Variants in RXRA observed in about 807,000 individuals in gnomAD.
The protein encoded by RXRA is retinoic acid receptor RXR-alpha.
RXRA carries 5 observed loss-of-function variants against 44.5 expected under a neutral mutation model. The ratio of observed to expected loss-of-function variants is 0.11; its 90% CI spans 0.06 to 0.24. The LOEUF (loss-of-function observed/expected upper bound fraction) is 0.24. RXRA is among the 10% of genes least tolerant of loss of function. The pLI, the probability that RXRA is intolerant of heterozygous loss-of-function variation, is 1.00. For synonymous variants in RXRA, 291 were observed against 271.4 expected (o/e 1.07, Z -0.71); for missense variants, 412 against 646.5 (o/e 0.64, Z 3.93).
intron 1 of RXRA, among the ~76,000 whole-genome samples, chr9:134,335,170 C>G (rs1829980502): frequency 6.6e-6 from 1 of 152,198 alleles, no homozygotes; most frequent in South Asian, 2.1e-4. Flanking sequence ...GCACCTCTCA[C>G]TGATTTTCTC....
intron 1 of RXRA, among the ~76,000 whole-genome samples, chr9:134,381,840 C>G (rs1321976821): frequency 6.6e-6 from 1 of 152,098 alleles, no homozygotes; most frequent in Non-Finnish European, 1.5e-5. Flanking sequence ...GGTGCTCCGT[C>G]GTGAAGTGGC....
chr9:134,427,841 G>A (rs1055037784), intron 6 of RXRA, among the ~76,000 whole-genome samples: 5 of 152,258 alleles, frequency 3.3e-5, no homozygotes, highest in Admixed American at 3.3e-4. Flanking sequence ...TTGGGATTAA[G>A]TGGGAAATTA....
At chr9:134,330,315 A>T (rs1210950870) in intron 1 of RXRA, among the ~76,000 whole-genome samples, 1 of 152,210 alleles carries the variant, frequency 6.6e-6, no homozygotes, top group African/African-American at 2.4e-5. Context: ...TTTGGTGGCC[A>T]GGGCCTTGGG....
chr9:134,408,458 C>T (rs753430304), intron 3 of RXRA, among the ~76,000 whole-genome samples, 159 bp downstream of exon 3: 2 of 152,192 alleles, frequency 1.3e-5, no homozygotes, highest in Non-Finnish European at 2.9e-5. Context: ...CCCAGGGCTC[C>T]GCGAGGCCAT....
At chr9:134,335,005 C>T (rs1057487097) in intron 1 of RXRA, among the ~76,000 whole-genome samples, 13 of 152,136 alleles carry the variant, frequency 8.5e-5, no homozygotes, top group African/African-American at 3.1e-4. Flanking sequence ...GGTCAGTCCC[C>T]ATGACGGTTA....
intron 6 of RXRA, chr9:134,425,622 A>AG: frequency 1.6e-6 from 1 of 638,478 alleles, no homozygotes; most frequent in Non-Finnish European, 1.9e-6. Flanking sequence ...GGAGGGAGGG[A>AG]GGGGCCAGGC....
intron 1 of RXRA, among the ~76,000 whole-genome samples, chr9:134,339,499 G>A (rs1665851446): frequency 6.6e-6 from 1 of 151,652 alleles, no homozygotes; most frequent in Non-Finnish European, 1.5e-5. Flanking sequence ...ACGCCCTTGT[G>A]TGAGTGTGTG....
intron 6 of RXRA, among the ~76,000 whole-genome samples, chr9:134,427,463 G>A (rs963169378): frequency 2.0e-5 from 3 of 152,194 alleles, no homozygotes; most frequent in Non-Finnish European, 4.4e-5. Context: ...CCGTGGTGCC[G>A]TCTGCATGCT....
At chr9:134,380,929 C>T (rs1220101824) in intron 1 of RXRA, among the ~76,000 whole-genome samples, 1 of 152,232 alleles carries the variant, frequency 6.6e-6, no homozygotes, top group Non-Finnish European at 1.5e-5. Context: ...CCGGGAACCC[C>T]TCCCAGCAGC....
At chr9:134,404,141 CA>C (rs543229732) in intron 2 of RXRA, 1 of 152,262 alleles carries the variant, frequency 6.6e-6, no homozygotes, top group Non-Finnish European at 1.5e-5. Context: ...ACCACAACCG[CA>C]AAGTCAGAGT....
chr9:134,425,329 C>G, intron 6 of RXRA: 1 of 985,250 alleles, frequency 1.0e-6, no homozygotes, highest in Non-Finnish European at 1.2e-6. Flanking sequence ...TTGGCTTGTT[C>G]CATGGAAGCT....
At chr9:134,330,979 A>G (rs1234609780) in intron 1 of RXRA, among the ~76,000 whole-genome samples, 1 of 152,186 alleles carries the variant, frequency 6.6e-6, no homozygotes, top group Non-Finnish European at 1.5e-5. Context: ...AGGTGGGGCC[A>G]GGTTTCCAGC....
chr9:134,380,039 C>T (rs2119099249), intron 1 of RXRA: 1 of 985,402 alleles, frequency 1.0e-6, no homozygotes, highest in Non-Finnish European at 1.2e-6. Flanking sequence ...TCTGTGCCCC[C>T]TGCCTGAGCA....
intron 1 of RXRA, among the ~76,000 whole-genome samples, chr9:134,380,887 CCT>C (rs201095788): frequency 0.011 from 1,751 of 152,286 alleles, 36 homozygotes; most frequent in African/African-American, 0.04. Context: ...CGGATCCCCC[CCT>C]GTCAATCTGC....
chr9:134,401,824 CCCA>C lies in RXRA; in HGVS notation c.223_225del (p.His75del). Reference sequence around the variant, plus strand: ...TCGGTCATCAGCTCCCCCATGGGCCCCCACTCCATGTCGGTGCCCACCACACCC... The same window carrying C: ...TCGGTCATCAGCTCCCCCATGGGCCCCTCCATGTCGGTGCCCACCACACCC... On this transcript the variant is annotated inframe_deletion, in exon 2 of 10. Transcript: ENST00000481739. The C allele has an allele frequency of 3.1e-6, 5 of 1,612,918 alleles. No individual in the cohort carries two copies. Among genetic ancestry groups the C allele is most frequent in the Non-Finnish European group, 4.2e-6 (5 of 1,179,786 alleles).
At chr9:134,423,530 C>T (rs1011626436) in intron 6 of RXRA, 87 of 985,108 alleles carry the variant, frequency 8.8e-5, no homozygotes, top group East Asian at 3.4e-4. Context: ...GGCCTGGCGC[C>T]GTCGCCACCC....
In RXRA at chr9:134,426,664, C is replaced by T; in HGVS notation, c.911-2444C>T. ...CCAGAGTTTCAGAGGCGAGTCTACC[C>T]TGGTGCCTGCTGGGTGGCCTCAGGG... On this transcript the variant is annotated intron_variant, in intron 6 of 9. Transcript: ENST00000481739. This position sits in a 1 kb window ranked among gnomAD's most constrained non-coding sequence, Gnocchi z 4.6. 1.0e-6 allele frequency: 1 copy of T among 985,434 alleles called. No homozygotes were observed. Among genetic ancestry groups the T allele is most frequent in the Non-Finnish European group, 1.2e-6 (1 of 829,926 alleles). The allele number at this position is 985,434 out of a possible 1,614,324, so 61.0% of individuals were successfully genotyped here.
chr9:134,412,736 C>T (rs1182886467), intron 4 of RXRA, among the ~76,000 whole-genome samples: 1 of 152,156 alleles, frequency 6.6e-6, no homozygotes, highest in African/African-American at 2.4e-5. Context: ...CCCGCAGGGA[C>T]ACGTGCTCTG....
In RXRA at chr9:134,365,382, C is replaced by T. The variant is rs577679631; in HGVS notation, c.29-36250C>T. Among the ~76,000 whole-genome samples the T allele has an allele frequency of 2.0e-5, 3 of 152,324 alleles. No homozygotes were observed. Among genetic ancestry groups the T allele is most frequent in the Admixed American group, 6.5e-5 (1 of 15,310 alleles). Reference sequence around the variant, plus strand: ...TGGTGAGCTCAGGGAGCGGGGTCCACGTTGCCTGGCCCAGGTGGGATTTGG... The same window carrying T: ...TGGTGAGCTCAGGGAGCGGGGTCCATGTTGCCTGGCCCAGGTGGGATTTGG... On this transcript the variant is annotated intron_variant, in intron 1 of 9. Coordinates refer to ENST00000481739, the MANE Select transcript of RXRA (RefSeq NM_002957.6). This position sits in a 1 kb window ranked among gnomAD's most constrained non-coding sequence, Gnocchi z 4.0.
Sources: gnomAD v4.1 joint callset for allele counts (sites outside exome capture counted in the v4.1 genomes callset) on GRCh38, gnomAD v4.1.1 for gene constraint, Gnocchi (gnomAD v3.1) non-coding constraint, MANE v1.5 for transcripts, NCBI Gene and HGNC (gene_info 2026-07-23, HGNC 2026-07-21) for gene names.